Variants in DTNA observed in about 807,000 individuals in gnomAD.
DTNA encodes the protein dystrobrevin alpha, also known as dystrophin-related protein 3.
DTNA carries 43 observed loss-of-function variants against 100.7 expected under a neutral mutation model. The observed-to-expected ratio is 0.43, with a 90% CI of 0.33 to 0.55. DTNA has a LOEUF of 0.55. DTNA is among the 20% of genes least tolerant of loss of function. The pLI is 0.04. For synonymous variants in DTNA, 349 were observed against 347.9 expected, an observed-to-expected ratio of 1.00 and a Z score of -0.04; for missense variants, 798 against 953.9, an observed-to-expected ratio of 0.84 and a Z score of 2.15.
Position 34,851,680 on chromosome 18 carries a change from A to G in DTNA, c.1435-151A>G, listed in dbSNP as rs181178378. The G allele has an allele frequency of 1.7e-4, 150 of 877,534 alleles. No homozygotes were observed. In the African/African-American group the frequency reaches 2.3e-3, roughly 13 times the overall value. 54.4% of individuals were successfully genotyped at this position (877,534 alleles called of 1,614,324 possible). A position where few individuals can be genotyped will look rare whatever the true frequency, so the allele number is the denominator to read the frequency against. Reference sequence around the variant, plus strand: ...CCACAGAAAAGTTGGTCCATAGGAGAAAAATGGCAATTGAATTTTATGTAT... The same window carrying G: ...CCACAGAAAAGTTGGTCCATAGGAGGAAAATGGCAATTGAATTTTATGTAT... On this transcript the variant is annotated intron_variant, in intron 14 of 22. Transcript: ENST00000444659.
At chr18:34,863,418 C>G (rs2096654676) in intron 16 of DTNA, among the ~76,000 whole-genome samples, 1 of 152,202 alleles carries the variant, frequency 6.6e-6, no homozygotes, top group Admixed American at 6.5e-5. Context: ...TGAAACCAAA[C>G]TCAAACCCAA....
chr18:34,607,589 T>C (rs2053395141), intron 1 of DTNA, among the ~76,000 whole-genome samples: 1 of 152,200 alleles, frequency 6.6e-6, no homozygotes. Flanking sequence ...TTTCTCATAG[T>C]TTCAGCCCTT....
chr18:34,599,064 A>G (rs1250055104), intron 1 of DTNA, among the ~76,000 whole-genome samples: 2 of 152,210 alleles, frequency 1.3e-5, no homozygotes, highest in African/African-American at 4.8e-5. Flanking sequence ...AACTTTTTAC[A>G]CATTTATTGT....
At chr18:34,868,612 T>A in intron 17 of DTNA, 1 of 985,474 alleles carries the variant, frequency 1.0e-6, no homozygotes, top group East Asian at 1.1e-4. Context: ...CTCTACTTGC[T>A]TTATCATAAG....
rs193203212 is a variant in DTNA, at chr18:34,839,141, G to A, written c.1346+304G>A. The stretch of plus-strand genomic sequence containing the variant: ...GTCCCACCAATCAGTTCTGTGCTAC[G>A]TGTCATGTCAAATTACCACAGGATG... On this transcript the variant is annotated intron_variant, in intron 13 of 22. Coordinates refer to ENST00000444659, the MANE Select transcript of DTNA (RefSeq NM_001386795.1). 6.6e-5 allele frequency among the ~76,000 whole-genome samples: 10 copies of A among 152,256 alleles called. No homozygotes were observed. The East Asian group carries it at 1.5e-3, about 24-fold the overall frequency.
intron 1 of DTNA, among the ~76,000 whole-genome samples, chr18:34,579,496 C>T (rs1302151619): frequency 6.6e-6 from 1 of 152,182 alleles, no homozygotes; most frequent in African/African-American, 2.4e-5. Flanking sequence ...AATAAACACT[C>T]TCAACCTTTC....
intron 17 of DTNA, chr18:34,866,060 C>G (rs898284460): frequency 3.1e-6 from 5 of 1,605,980 alleles, no homozygotes; most frequent in East Asian, 2.2e-5. Context: ...TGTACATGCT[C>G]TTATTGGAAC....
In DTNA at chr18:34,537,736, C is replaced by T. The variant is rs74582518; in HGVS notation, c.-2+44222C>T. On this transcript the variant is annotated intron_variant, in intron 1 of 19. Coordinates refer to the DTNA transcript ENST00000283365. ...ACTATAATTTCAGATGACTTTAGCACGTAGTTGGGATCTAGTAAAGAGGAA... is the reference window on the plus strand; with the variant it reads ...ACTATAATTTCAGATGACTTTAGCATGTAGTTGGGATCTAGTAAAGAGGAA... Among the ~76,000 whole-genome samples the T allele has an allele frequency of 6.5e-3, 989 of 151,012 alleles. 13 individuals carry two copies. The highest frequency in any genetic ancestry group is 0.022 in the African/African-American group (916 of 41,092).
intron 1 of DTNA, among the ~76,000 whole-genome samples, chr18:34,752,145 T>C (rs949135941): frequency 3.3e-5 from 5 of 152,192 alleles, no homozygotes; most frequent in African/African-American, 1.2e-4. Flanking sequence ...ACTGACCAAA[T>C]TGGGCTCATC....
intron 16 of DTNA, among the ~76,000 whole-genome samples, chr18:34,861,256 C>G (rs1180892846): frequency 1.3e-5 from 2 of 151,896 alleles, no homozygotes; most frequent in African/African-American, 4.8e-5. Context: ...GAGTGCGAGG[C>G]GGGCGGATCA....
intron 1 of DTNA, among the ~76,000 whole-genome samples, chr18:34,565,413 G>T (rs2046996525): frequency 1.3e-5 from 2 of 152,128 alleles, no homozygotes; most frequent in Admixed American, 1.3e-4. Flanking sequence ...ATTTAGAAAG[G>T]GTACTGTATT....
chr18:34,569,673 G>GT (rs371438984), intron 1 of DTNA, among the ~76,000 whole-genome samples: 11 of 152,156 alleles, frequency 7.2e-5, no homozygotes, highest in African/African-American at 2.7e-4. Flanking sequence ...AATCTACAGA[G>GT]TGGGACAGCA....
chr18:34,591,624 T>C (rs1281070903), intron 1 of DTNA, among the ~76,000 whole-genome samples: 1 of 152,222 alleles, frequency 6.6e-6, no homozygotes, highest in Admixed American at 6.5e-5. Flanking sequence ...GACAGAAATG[T>C]GTACTTTCTG....
At chr18:34,730,912 A>G (rs1414749847) in intron 1 of DTNA, among the ~76,000 whole-genome samples, 1 of 152,292 alleles carries the variant, frequency 6.6e-6, no homozygotes, top group East Asian at 1.9e-4. Flanking sequence ...GGAGGCTCAC[A>G]GCCTTTGATG....
intron 1 of DTNA, among the ~76,000 whole-genome samples, chr18:34,500,350 C>G (rs2039760089): frequency 6.7e-6 from 1 of 149,896 alleles, no homozygotes; most frequent in South Asian, 2.2e-4. Flanking sequence ...GTATTCAGTG[C>G]AAATATATTG....
At chr18:34,648,291 A>G (rs937955145) in intron 1 of DTNA, among the ~76,000 whole-genome samples, 34 of 152,316 alleles carry the variant, frequency 2.2e-4, no homozygotes, top group Non-Finnish European at 4.3e-4. Context: ...GATGAAAAGT[A>G]TAAGGAAGGA....
chr18:34,882,332 C>A, intron 21 of DTNA, 131 bp downstream of exon 21: 2 of 1,229,116 alleles, frequency 1.6e-6, no homozygotes, highest in South Asian at 1.5e-5. Context: ...ACTGATTTCA[C>A]TCCTTAATCC....
rs506619 is a variant in DTNA, at chr18:34,866,471, C to T, written c.1743+2409C>T. Reference sequence around the variant, plus strand: ...GTTGTTGATCAGACCCTTCTCTTAACAGAGAGATACCACAGTCACTAGAGA... The same window carrying T: ...GTTGTTGATCAGACCCTTCTCTTAATAGAGAGATACCACAGTCACTAGAGA... On this transcript the variant is annotated intron_variant, in intron 17 of 22. Transcript: ENST00000444659. 0.13 allele frequency: 153,064 copies of T among 1,220,362 alleles called. 11,487 individuals are homozygous for T. The highest frequency in any genetic ancestry group is 0.34 in the African/African-American group (22,005 of 64,320). The allele number at this position is 1,220,362 out of a possible 1,614,324, so 75.6% of individuals were successfully genotyped here.
intron 1 of DTNA, among the ~76,000 whole-genome samples, chr18:34,743,550 CAT>C (rs768058718): frequency 2.6e-5 from 4 of 152,100 alleles, no homozygotes; most frequent in Non-Finnish European, 4.4e-5. Flanking sequence ...CTCTATTCCA[CAT>C]GTTACTGATA....
Sources: allele counts gnomAD v4.1 joint callset (sites outside exome capture counted in the v4.1 genomes callset), GRCh38; gene constraint gnomAD v4.1.1; transcripts MANE v1.5; gene names NCBI Gene and HGNC (gene_info 2026-07-23, HGNC 2026-07-21).